NDUFS4: variants seen among roughly 807,000 people sequenced by gnomAD.
NDUFS4 encodes NADH dehydrogenase [ubiquinone] iron-sulfur protein 4, mitochondrial.
Under a neutral mutation model 24.3 loss-of-function variants are expected in NDUFS4, and 28 were observed. That is an observed-to-expected ratio of 1.15 (90% CI 0.85 to 1.58). The LOEUF is 1.58. NDUFS4 is among the 40% of genes most tolerant of loss of function. The pLI, the probability that NDUFS4 is intolerant of heterozygous loss-of-function variation, is 0.00. For synonymous variants in NDUFS4, 93 were observed against 69.7 expected (o/e 1.34, Z -1.67); for missense variants, 223 against 207.9 (o/e 1.07, Z -0.45).
At chr5:53,602,496 A>G (rs935911767) in intron 1 of NDUFS4, among the ~76,000 whole-genome samples, 3 of 152,208 alleles carry the variant, frequency 2.0e-5, no homozygotes, top group African/African-American at 4.8e-5. Flanking sequence ...AAGGTTTTCT[A>G]TATGGCTGTG....
At chr5:53,629,287 T>G (rs536105728) in intron 2 of NDUFS4, among the ~76,000 whole-genome samples, 1 of 152,226 alleles carries the variant, frequency 6.6e-6, no homozygotes, top group Admixed American at 6.5e-5. Context: ...CTGAGGAGTG[T>G]TTTACTTCTA....
At chr5:53,619,528 A>C (rs1750965466) in intron 2 of NDUFS4, among the ~76,000 whole-genome samples, 1 of 151,290 alleles carries the variant, frequency 6.6e-6, no homozygotes, top group Admixed American at 6.6e-5. Context: ...CATCATAAAT[A>C]TATCAAATTT....
At chr5:53,671,307 CTCT>C (rs1464821198) in intron 4 of NDUFS4, among the ~76,000 whole-genome samples, 3 of 152,072 alleles carry the variant, frequency 2.0e-5, no homozygotes, top group African/African-American at 4.8e-5. Context: ...GCATAGCTCT[CTCT>C]TCTTTACCTC....
At chr5:53,622,486 T>C (rs895058821) in intron 2 of NDUFS4, among the ~76,000 whole-genome samples, 2 of 152,164 alleles carry the variant, frequency 1.3e-5, no homozygotes, top group East Asian at 1.9e-4. Flanking sequence ...CTTTGTCATA[T>C]CTCTTCTCAT....
At chr5:53,672,492 A>C (rs1186144106) in intron 4 of NDUFS4, among the ~76,000 whole-genome samples, 1 of 152,154 alleles carries the variant, frequency 6.6e-6, no homozygotes, top group African/African-American at 2.4e-5. Context: ...AATTGTGTAC[A>C]ACCTAAAAAG....
At chr5:53,676,111 C>G (rs986898661) in intron 4 of NDUFS4, among the ~76,000 whole-genome samples, 7 of 152,108 alleles carry the variant, frequency 4.6e-5, no homozygotes. Flanking sequence ...ATGTTATAAC[C>G]AGTTCAAAGG....
intron 3 of NDUFS4, among the ~76,000 whole-genome samples, chr5:53,653,314 T>G (rs1343006348): frequency 1.3e-5 from 2 of 152,198 alleles, no homozygotes; most frequent in Admixed American, 6.5e-5. Context: ...TCCTCAAGCC[T>G]TAAGTCATCA....
intron 3 of NDUFS4, among the ~76,000 whole-genome samples, chr5:53,646,711 G>T (rs986123606): frequency 6.6e-6 from 1 of 152,080 alleles, no homozygotes; most frequent in Admixed American, 6.6e-5. Flanking sequence ...CTTATCTGCA[G>T]TTTTGCTTTC....
chr5:53,628,882 A>G lies in NDUFS4; in HGVS notation c.178-17351A>G, dbSNP rs182853483. On this transcript the variant is annotated intron_variant, in intron 2 of 4. Coordinates refer to ENST00000296684, the MANE Select transcript of NDUFS4 (RefSeq NM_002495.4). ...TTTTTTTGTGTCTCTGTTTCCTTCA[A>G]TCCTGCTCTGATATTAGTCATTTCT... 2.4e-3 allele frequency among the ~76,000 whole-genome samples: 362 copies of G among 151,938 alleles called. 5 individuals carry two copies. Among genetic ancestry groups the G allele is most frequent in the African/African-American group, 8.1e-3 (335 of 41,442 alleles).
chr5:53,574,963 C>A (rs1579824771), intron 1 of NDUFS4, among the ~76,000 whole-genome samples: 1 of 152,124 alleles, frequency 6.6e-6, no homozygotes, highest in Non-Finnish European at 1.5e-5. Context: ...CTTTTCAGAA[C>A]CACAGCTCCA....
intron 2 of NDUFS4, among the ~76,000 whole-genome samples, chr5:53,617,659 A>C (rs1428219626): frequency 5.3e-5 from 8 of 152,192 alleles, no homozygotes; most frequent in Admixed American, 4.6e-4. Context: ...TGGGAGAGAC[A>C]AAAGGTGCCC....
intron 2 of NDUFS4, among the ~76,000 whole-genome samples, chr5:53,642,414 C>T (rs564358733): frequency 2.0e-5 from 3 of 152,026 alleles, no homozygotes; most frequent in Non-Finnish European, 2.9e-5. Flanking sequence ...ACAAATCAAC[C>T]GGCAGATGAC....
At chr5:53,618,910 T>C (rs1036284503) in intron 2 of NDUFS4, among the ~76,000 whole-genome samples, 23 of 150,010 alleles carry the variant, frequency 1.5e-4, no homozygotes, top group Non-Finnish European at 1.0e-4. Context: ...GCTCAGGAGT[T>C]CAAGACCAGC....
chr5:53,629,625 A>C (rs1399559626), intron 2 of NDUFS4, among the ~76,000 whole-genome samples: 1 of 152,026 alleles, frequency 6.6e-6, no homozygotes, highest in Admixed American at 6.5e-5. Context: ...TCCCTTTACC[A>C]TTATGTAATG....
intron 2 of NDUFS4, among the ~76,000 whole-genome samples, chr5:53,605,111 C>T (rs1016090146): frequency 3.9e-5 from 6 of 152,154 alleles, no homozygotes; most frequent in African/African-American, 1.4e-4. Flanking sequence ...ATCTCAGCTA[C>T]TCAGGAGGCT....
At chr5:53,577,820 A>G (rs73115388) in intron 1 of NDUFS4, among the ~76,000 whole-genome samples, 20 of 152,292 alleles carry the variant, frequency 1.3e-4, no homozygotes, top group African/African-American at 4.3e-4. Context: ...TGATAGCAGA[A>G]TATTCCTATG....
At chr5:53,565,510 A>C (rs1748990985) in intron 1 of NDUFS4, among the ~76,000 whole-genome samples, 1 of 152,240 alleles carries the variant, frequency 6.6e-6, no homozygotes, top group African/African-American at 2.4e-5. Context: ...TTACAGATGA[A>C]TAAATACATA....
chr5:53,646,147 G>C lies in NDUFS4; in HGVS notation c.178-86G>C, dbSNP rs1198241450. 11 of 1,086,294 alleles carry C rather than the reference G, an allele frequency of 1.0e-5. No homozygotes were observed. The East Asian group carries it at 2.9e-4, about 28-fold the overall frequency. The allele number at this position is 1,086,294 out of a possible 1,614,324, so 67.3% of individuals were successfully genotyped here. On this transcript the variant is annotated intron_variant, in intron 2 of 4. Transcript: ENST00000296684. ...CAATTTATGAACAAATCTGAATAGA[G>C]TTGCATGAATATAGGAAACAACAAA...
intron 2 of NDUFS4, among the ~76,000 whole-genome samples, chr5:53,606,694 A>G (rs1474867034): frequency 1.3e-5 from 2 of 152,150 alleles, no homozygotes; most frequent in East Asian, 3.9e-4. Context: ...CAGATCCCAT[A>G]AGAACTGACT....
Sources: gnomAD v4.1 joint callset for allele counts (sites outside exome capture counted in the v4.1 genomes callset) on GRCh38, gnomAD v4.1.1 for gene constraint, MANE v1.5 for transcripts, NCBI Gene and HGNC (gene_info 2026-07-23, HGNC 2026-07-21) for gene names.